The following PTPRD variants were observed in gnomAD, a reference collection of about 807,000 sequenced individuals.
PTPRD encodes receptor-type tyrosine-protein phosphatase delta.
PTPRD carries 34 observed loss-of-function variants against 214.5 expected under a neutral mutation model. The ratio of observed to expected loss-of-function variants is 0.16; its 90% CI spans 0.12 to 0.21. The LOEUF (loss-of-function observed/expected upper bound fraction) is 0.21. Ranked by LOEUF, PTPRD falls within the 10% of genes least tolerant of loss-of-function variation. The probability of loss-of-function intolerance (pLI) is 1.00; values close to 1 mark genes in which losing one functional copy is unlikely to be tolerated. For synonymous variants in PTPRD, 1,128 were observed against 845.7 expected (o/e 1.33, Z -5.79); for missense variants, 2,545 against 2,398.7 (o/e 1.06, Z -1.27).
chr9:9,086,199 T>C (rs1460215291), intron 10 of PTPRD, among the ~76,000 whole-genome samples: 1 of 152,336 alleles, frequency 6.6e-6, no homozygotes, highest in East Asian at 1.9e-4. Flanking sequence ...CTTTTGAAAA[T>C]ATTCTAAATC....
chr9:9,051,770 C>T (rs1590604639), intron 10 of PTPRD, among the ~76,000 whole-genome samples: 2 of 152,224 alleles, frequency 1.3e-5, no homozygotes, highest in East Asian at 3.9e-4. Context: ...GTTTTTATTT[C>T]ACCCAGTTGT....
At chr9:8,445,597 A>C (rs1249185620) in intron 34 of PTPRD, among the ~76,000 whole-genome samples, 1 of 152,192 alleles carries the variant, frequency 6.6e-6, no homozygotes, top group Non-Finnish European at 1.5e-5. Context: ...CTTAAGTAAT[A>C]GATTGGTCCT....
chr9:10,398,314 G>A (rs190250469), intron 2 of PTPRD, among the ~76,000 whole-genome samples: 3 of 151,814 alleles, frequency 2.0e-5, no homozygotes, highest in South Asian at 2.1e-4. Flanking sequence ...CCCGAAGTTC[G>A]AGGCTGTAGT....
At chr9:10,352,684 T>C (rs2097203221) in intron 2 of PTPRD, among the ~76,000 whole-genome samples, 1 of 152,072 alleles carries the variant, frequency 6.6e-6, no homozygotes, top group Admixed American at 6.5e-5. Context: ...AAGCCTTTCT[T>C]ACTATCTATT....
chr9:8,382,429 T>G (rs1474755294), intron 37 of PTPRD, among the ~76,000 whole-genome samples: 1 of 152,170 alleles, frequency 6.6e-6, no homozygotes, highest in East Asian at 1.9e-4. Flanking sequence ...CATCTCCTCC[T>G]CCCATTCCAG....
chr9:10,314,053 T>C (rs1255225736), intron 3 of PTPRD, among the ~76,000 whole-genome samples: 2 of 151,940 alleles, frequency 1.3e-5, no homozygotes, highest in Non-Finnish European at 2.9e-5. Flanking sequence ...AAGTGAGAGA[T>C]AGTTTAAAAT....
At chr9:9,790,169 C>A (rs1422398619) in intron 5 of PTPRD, among the ~76,000 whole-genome samples, 1 of 151,982 alleles carries the variant, frequency 6.6e-6, no homozygotes, top group Non-Finnish European at 1.5e-5. Context: ...TTTAATGTAC[C>A]CAAGTCTCGA....
chr9:10,462,052 CA>C, intron 2 of PTPRD, among the ~76,000 whole-genome samples: 1 of 152,124 alleles, frequency 6.6e-6, no homozygotes, highest in South Asian at 2.1e-4. Flanking sequence ...TACAAAGTAT[CA>C]AATATTTAGG....
At position 10,081,762 on chromosome 9, in the gene PTPRD, T is replaced by A. The variant is rs180682996; in HGVS notation, c.-544-47972A>T. 1.0e-3 allele frequency among the ~76,000 whole-genome samples: 154 copies of A among 152,220 alleles called. 1 individual carries two copies. Among genetic ancestry groups the A allele is most frequent in the African/African-American group, 3.5e-3 (147 of 41,576 alleles). ...AAGGAAATAGCATTGGTTTTCACGT[T>A]TTGGTGTTGCAAATAGATGGAGTTT... On this transcript the variant is annotated intron_variant, in intron 3 of 45. Coordinates refer to ENST00000381196, the MANE Select transcript of PTPRD (RefSeq NM_002839.4).
intron 8 of PTPRD, among the ~76,000 whole-genome samples, chr9:9,516,329 GA>G (rs2096837534): frequency 6.6e-6 from 1 of 151,888 alleles, no homozygotes; most frequent in Non-Finnish European, 1.5e-5. Context: ...TGTCTTGTGA[GA>G]AAATTATCCA....
At chr9:9,924,105 A>C (rs2083454903) in intron 5 of PTPRD, among the ~76,000 whole-genome samples, 1 of 152,078 alleles carries the variant, frequency 6.6e-6, no homozygotes, top group Non-Finnish European at 1.5e-5. Flanking sequence ...TTATGTAGTC[A>C]TAATCATGTA....
chr9:8,719,136 G>A (rs893476221), intron 12 of PTPRD, among the ~76,000 whole-genome samples: 5 of 152,014 alleles, frequency 3.3e-5, no homozygotes, highest in Non-Finnish European at 7.4e-5. Context: ...TCTTTTTTAA[G>A]ATGTTCATAG....
chr9:8,763,253 T>C (rs766728043), intron 11 of PTPRD, among the ~76,000 whole-genome samples: 4 of 152,192 alleles, frequency 2.6e-5, no homozygotes, highest in African/African-American at 7.2e-5. Flanking sequence ...GGCTCATGCC[T>C]GTAATCCCAG....
chr9:8,614,089 G>C (rs1382652883), intron 14 of PTPRD, among the ~76,000 whole-genome samples: 2 of 151,970 alleles, frequency 1.3e-5, no homozygotes, highest in Non-Finnish European at 2.9e-5. Flanking sequence ...CTGTCATTCA[G>C]ATGTGAATAT....
chr9:9,229,136 C>T (rs1168723395), intron 9 of PTPRD, among the ~76,000 whole-genome samples: 1 of 152,094 alleles, frequency 6.6e-6, no homozygotes, highest in Non-Finnish European at 1.5e-5. Context: ...AATGATATCA[C>T]ATTTTATTGC....
At chr9:9,714,197 T>C (rs1291604251) in intron 7 of PTPRD, among the ~76,000 whole-genome samples, 2 of 152,160 alleles carry the variant, frequency 1.3e-5, no homozygotes, top group Non-Finnish European at 2.9e-5. Flanking sequence ...TCTTAATTGA[T>C]TTATATGCTA....
At chr9:9,174,206 T>C (rs1011254528) in intron 10 of PTPRD, among the ~76,000 whole-genome samples, 4 of 152,134 alleles carry the variant, frequency 2.6e-5, no homozygotes, top group African/African-American at 9.7e-5. Flanking sequence ...TCCTATTGTC[T>C]CCATGTAACA....
In PTPRD at chr9:10,301,669, C is replaced by T. The variant is rs113484126; in HGVS notation, c.-545+39294G>A. Among the ~76,000 whole-genome samples, 79 of 152,030 alleles carry T rather than the reference C, an allele frequency of 5.2e-4. 3 individuals are homozygous for T. The highest frequency in any genetic ancestry group is 1.8e-3 in the African/African-American group (76 of 41,452). On this transcript the variant is annotated intron_variant, in intron 3 of 45. Coordinates refer to ENST00000381196, the MANE Select transcript of PTPRD (RefSeq NM_002839.4). The stretch of plus-strand genomic sequence containing the variant: ...CTGATCAAGGGGAAAAAAAGGATAT[C>T]AGAGATTGAAGATCAACTTAATGAA...
rs569220586 is a variant in PTPRD, at chr9:9,455,981, T to C, written c.-236-58499A>G. On this transcript the variant is annotated intron_variant, in intron 8 of 45. Transcript: ENST00000381196. Reference sequence around the variant, plus strand: ...CTTGAACAATCAATATTTAACCCATTAATATTACTACTTGCCATATTTATT... The same window carrying C: ...CTTGAACAATCAATATTTAACCCATCAATATTACTACTTGCCATATTTATT... Among the ~76,000 whole-genome samples, 4 of 151,866 alleles carry C rather than the reference T, an allele frequency of 2.6e-5. No individual in the cohort carries two copies. In the South Asian group the frequency reaches 8.3e-4, roughly 31 times the overall value.
Sources: allele counts gnomAD v4.1 joint callset (sites outside exome capture counted in the v4.1 genomes callset), GRCh38; gene constraint gnomAD v4.1.1; transcripts MANE v1.5; gene names NCBI Gene and HGNC (gene_info 2026-07-23, HGNC 2026-07-21).